AGL: variants seen among roughly 807,000 people sequenced by gnomAD.
The protein encoded by AGL is amylo-alpha-1,6-glucosidase and 4-alpha-glucanotransferase, also known as glycogen debranching enzyme.
A neutral mutation model predicts 199.3 loss-of-function variants in AGL; 128 were observed. That is an observed-to-expected ratio of 0.64 (90% CI 0.56 to 0.74). The LOEUF (loss-of-function observed/expected upper bound fraction) is 0.74. Ranked by LOEUF, AGL falls within the 30% of genes least tolerant of loss-of-function variation. The probability of loss-of-function intolerance (pLI) is 0.00; values close to 1 mark genes in which losing one functional copy is unlikely to be tolerated. For synonymous variants in AGL, 584 were observed against 594.7 expected (o/e 0.98, Z 0.26); for missense variants, 1,809 against 1,820.8 (o/e 0.99, Z 0.12).
intron 2 of AGL, among the ~76,000 whole-genome samples, chr1:99,860,550 G>T (rs1449947190): frequency 1.3e-5 from 2 of 152,110 alleles, no homozygotes; most frequent in Non-Finnish European, 2.9e-5. Context: ...TAACTGTAAT[G>T]TGCTTATTTG....
Position 99,907,693 on chromosome 1 carries a change from G to GTTTTTTTTTTTTTTTTTTTTTTT in AGL, c.3701-3011_3701-3010insTTTTTTTTTTTTTTTTTTTTTTT, listed in dbSNP as rs71075465. ...TTTTGTTCGTTTGTTTTTGTTTTTT[G>GTTTTTTTTTTTTTTTTTTTTTTT]TTTTTTTTGCTAGTAGCCATCCTAA... On this transcript the variant is annotated intron_variant, in intron 27 of 33. Transcript: ENST00000361915. Among the ~76,000 whole-genome samples, 77 of 118,900 alleles carry GTTTTTTTTTTTTTTTTTTTTTTT rather than the reference G, an allele frequency of 6.5e-4. 1 individual carries two copies. Among genetic ancestry groups the GTTTTTTTTTTTTTTTTTTTTTTT allele is most frequent in the East Asian group, 3.5e-3 (13 of 3,664 alleles). 78.0% of individuals were successfully genotyped at this position (118,900 alleles called of 152,430 possible). A position where few individuals can be genotyped will look rare whatever the true frequency, so the allele number is the denominator to read the frequency against.
chr1:99,918,876 T>C (rs139159324), intron 33 of AGL, among the ~76,000 whole-genome samples: 46 of 152,242 alleles, frequency 3.0e-4, no homozygotes, highest in African/African-American at 1.1e-3. Context: ...ATTTCGAAAA[T>C]TATGACGTTT....
At chr1:99,850,009 G>A (rs1487785755), upstream of AGL, 4 of 152,324 alleles carry the variant, frequency 2.6e-5, no homozygotes, top group Admixed American at 1.3e-4. Context: ...CAGGTCCCCC[G>A]GCCCGGAGCC....
intron 27 of AGL, among the ~76,000 whole-genome samples, chr1:99,904,401 C>G (rs994287611): frequency 6.6e-6 from 1 of 152,136 alleles, no homozygotes; most frequent in African/African-American, 2.4e-5. Context: ...GCCATGAACT[C>G]TTCACCCAGT....
chr1:99,914,410 T>C (rs143804932), intron 30 of AGL, among the ~76,000 whole-genome samples: 1,912 of 152,386 alleles, frequency 0.013, 47 homozygotes, highest in African/African-American at 0.043. Flanking sequence ...GACTCTCTGC[T>C]GTTTTAAATC....
rs750237690 is a variant in AGL, at chr1:99,880,065, A to G, written c.1735+19A>G. ...ATAAGAGGTAGGCTTGTTGGAGTGT[A>G]TTTCCCTCTAAAACTTTAGCTTTTG... On this transcript the variant is annotated intron_variant, in intron 13 of 33. Coordinates refer to ENST00000361915, the MANE Select transcript of AGL (RefSeq NM_000642.3). 1 of 1,613,004 alleles carries G rather than the reference A, an allele frequency of 6.2e-7. No homozygotes were observed. The highest frequency in any genetic ancestry group is 8.5e-7 in the Non-Finnish European group (1 of 1,179,310).
chr1:99,864,142 A>G (rs1421162824), intron 4 of AGL, among the ~76,000 whole-genome samples: 1 of 152,164 alleles, frequency 6.6e-6, no homozygotes, highest in African/African-American at 2.4e-5. Context: ...AATTTTTTCA[A>G]ATATTATCTC....
chr1:99,860,314 G>A (rs1253395194), intron 2 of AGL, among the ~76,000 whole-genome samples: 3 of 151,692 alleles, frequency 2.0e-5, no homozygotes, highest in South Asian at 2.1e-4. Context: ...TCCTCTCAAA[G>A]AAATTCCTTA....
chr1:99,884,834 C>T, intron 20 of AGL, 131 bp downstream of exon 20: 1 of 1,059,210 alleles, frequency 9.4e-7, no homozygotes. Context: ...GCAGTGTCAG[C>T]ATCACCTGTT....
intron 31 of AGL, 96 bp downstream of exon 31, chr1:99,915,582 G>C (rs530653650): frequency 3.3e-6 from 3 of 913,880 alleles, no homozygotes; most frequent in Non-Finnish European, 5.3e-6. Flanking sequence ...GGCAACAAAA[G>C]GAGATGCCAT....
chr1:99,874,761 G>A lies in AGL; in HGVS notation c.1033G>A (p.Gly345Ser), dbSNP rs372121829. ...IIQDPEYRRFGCTVDMNIALT... is the reference protein window; with the variant it reads ...IIQDPEYRRFSCTVDMNIALT... ...TCAAGATCCTGAATACAGACGGTTT[G>A]GCTGTACTGTAGATATGAACATTGC... Residue 345 changes from glycine to serine, a missense_variant, in exon 8 of 34, where the codon GGC becomes AGC. Gly to Ser is a moderately conservative substitution (Grantham distance 56, BLOSUM62 0). Coordinates refer to ENST00000361915, the MANE Select transcript of AGL (RefSeq NM_000642.3). 3.1e-6 allele frequency: 5 copies of A among 1,613,676 alleles called. No individual in the cohort carries two copies. The African/African-American group carries it at 4.0e-5, about 13-fold the overall frequency.
intron 27 of AGL, among the ~76,000 whole-genome samples, chr1:99,909,022 T>C (rs577460340): frequency 8.5e-5 from 13 of 152,134 alleles, no homozygotes; most frequent in African/African-American, 2.9e-4. Flanking sequence ...TAAAGCGTGG[T>C]TTTCCAGCTT....
intron 33 of AGL, 56 bp from the exon 34 acceptor site, chr1:99,921,478 A>G (rs1341987991): frequency 1.7e-5 from 22 of 1,288,004 alleles, no homozygotes; most frequent in Non-Finnish European, 2.4e-5. Flanking sequence ...GGTCTTGCCT[A>G]TTTTGTTAAT....
chr1:99,853,912 G>A (rs147372074), intron 2 of AGL, among the ~76,000 whole-genome samples: 2,300 of 149,784 alleles, frequency 0.015, 33 homozygotes, highest in Middle Eastern at 0.096. Context: ...ATAAAGGGCC[G>A]GGCGCAGTGG....
At position 99,910,703 on chromosome 1, in the gene AGL, G is replaced by T. The variant is rs753970304; in HGVS notation, c.3701-9G>T. 2 of 1,548,122 alleles carry T rather than the reference G, an allele frequency of 1.3e-6. No individual in the cohort carries two copies. The highest frequency in any genetic ancestry group is 2.3e-5 in the East Asian group (1 of 42,926). ...TAAAATTTTATTTTATACACATTTT[G>T]TTTTTTAGGTTTTAATATAACTGCA... On this transcript the variant is annotated splice_polypyrimidine_tract_variant and intron_variant, in intron 27 of 33. Coordinates refer to ENST00000361915, the MANE Select transcript of AGL (RefSeq NM_000642.3).
chr1:99,923,998 A>C lies in AGL; in HGVS notation c.*2347A>C, dbSNP rs1249163021. The C allele has an allele frequency of 6.6e-6, 1 of 152,168 alleles. No individual in the cohort carries two copies. The highest frequency in any genetic ancestry group is 1.5e-5 in the Non-Finnish European group (1 of 68,036). The allele number at this position is 152,168 out of a possible 1,614,324, so 9.4% of individuals were successfully genotyped here. A position where few individuals can be genotyped will look rare whatever the true frequency, so the allele number is the denominator to read the frequency against. ...CATTGTTACCTCTGTGTGTTAAGAA[A>C]ATAAAAATATTTTCTAAAGGTCTGT... On this transcript the variant is annotated 3_prime_UTR_variant, in exon 34 of 34. Transcript: ENST00000361915.
chr1:99,907,693 G>GTTTTTTGTTTGTTTT (rs1553191713), intron 27 of AGL, among the ~76,000 whole-genome samples: 2 of 118,944 alleles, frequency 1.7e-5, no homozygotes, highest in African/African-American at 6.0e-5. Context: ...TTTGTTTTTT[G>GTTTTTTGTTTGTTTT]TTTTTTTTGC....
intron 2 of AGL, among the ~76,000 whole-genome samples, chr1:99,857,581 TGGTGGATCACTCGC>T: frequency 6.6e-6 from 1 of 151,898 alleles, no homozygotes; most frequent in South Asian, 2.1e-4. Context: ...AGGCCGAGGC[TGGTGGATCACTCGC>T]GGTTAGGAGC....
rs1170310851 is a variant in AGL at position 99,891,343 on chromosome 1, G to A, written c.2936G>A (p.Gly979Glu). 1 of 1,613,538 alleles carries A rather than the reference G, an allele frequency of 6.2e-7. No individual in the cohort carries two copies. Among genetic ancestry groups the A allele is most frequent in the African/African-American group, 1.3e-5 (1 of 74,962 alleles). Residue 979 changes from glycine (G) to glutamate (E), a missense_variant, in exon 22 of 34, where the codon GGA becomes GAA. By Grantham distance (98) the Gly-to-Glu change is moderately conservative. Transcript: ENST00000361915. ...YVSNRLISRS[G>E]TIAEVGKWLQ... ...AGTAACCGGCTTATTTCACGATCAG[G>A]AACTATTGCTGAAGTAAGTAGAGCT...
Sources: gnomAD v4.1 joint callset for allele counts (sites outside exome capture counted in the v4.1 genomes callset) on GRCh38, gnomAD v4.1.1 for gene constraint, MANE v1.5 for transcripts, NCBI Gene and HGNC (gene_info 2026-07-23, HGNC 2026-07-21) for gene names.